The following TMCC3 variants were observed in gnomAD, a reference collection of about 807,000 sequenced individuals.
The protein encoded by TMCC3 is transmembrane and coiled-coil domain protein 3.
A neutral mutation model predicts 40.2 loss-of-function variants in TMCC3; 28 were observed. That is an observed-to-expected ratio of 0.70 (90% CI 0.52 to 0.95). TMCC3 has a LOEUF of 0.95. TMCC3 is among the 40% of genes least tolerant of loss of function. TMCC3 has a pLI of 0.00. For synonymous variants in TMCC3, 255 were observed against 248.5 expected, an observed-to-expected ratio of 1.03 and a Z score of -0.25; for missense variants, 554 against 615.2, an observed-to-expected ratio of 0.90 and a Z score of 1.05.
chr12:94,637,628 A>G (rs777447540), intron 1 of TMCC3, among the ~76,000 whole-genome samples: 1 of 152,256 alleles, frequency 6.6e-6, no homozygotes, highest in Non-Finnish European at 1.5e-5. Flanking sequence ...TGGCTGAGTA[A>G]TTAGATGCTT....
At chr12:94,644,403 A>G (rs2069007165) in intron 1 of TMCC3, 1 of 985,332 alleles carries the variant, frequency 1.0e-6, no homozygotes, top group South Asian at 4.7e-5. Context: ...CCTTAGCAGC[A>G]GTCCTGGAGA....
rs76264287 is a variant in TMCC3, at chr12:94,578,910, T to A, written c.996-381A>T. The stretch of plus-strand genomic sequence containing the variant: ...CAGGACCTCTGGTGTCTGTGGTGCC[T>A]TTTCCCTATTCTGCCCTGACACTGC... On this transcript the variant is annotated intron_variant, in intron 2 of 3. Transcript: ENST00000261226. 1.1e-3 allele frequency among the ~76,000 whole-genome samples: 166 copies of A among 152,200 alleles called. 1 individual carries two copies. The highest frequency in any genetic ancestry group is 3.8e-3 in the African/African-American group (157 of 41,506).
chr12:94,583,771 C>T (rs1175831419), intron 1 of TMCC3, among the ~76,000 whole-genome samples: 1 of 152,148 alleles, frequency 6.6e-6, no homozygotes, highest in Admixed American at 6.5e-5. Flanking sequence ...AGGGTTAAGG[C>T]CAGGATTTGA....
At chr12:94,627,093 C>G (rs1454299470) in intron 1 of TMCC3, among the ~76,000 whole-genome samples, 1 of 152,072 alleles carries the variant, frequency 6.6e-6, no homozygotes, top group East Asian at 1.9e-4. Context: ...AACTCCTGAC[C>G]TCAAGTGATC....
chr12:94,598,027 G>T (rs1388067708), intron 1 of TMCC3, among the ~76,000 whole-genome samples: 2 of 152,110 alleles, frequency 1.3e-5, no homozygotes, highest in Non-Finnish European at 2.9e-5. Context: ...ACAGAATCTT[G>T]CCAGGATCAT....
intron 1 of TMCC3, among the ~76,000 whole-genome samples, chr12:94,597,503 C>A (rs1469607552): frequency 6.6e-6 from 1 of 151,878 alleles, no homozygotes; most frequent in Non-Finnish European, 1.5e-5. Context: ...CTTAAGGAAG[C>A]AGTCTTAAAT....
At chr12:94,608,266 T>C (rs183419461) in intron 1 of TMCC3, among the ~76,000 whole-genome samples, 139 of 152,376 alleles carry the variant, frequency 9.1e-4, no homozygotes, top group Non-Finnish European at 1.6e-3. Context: ...TAACATCATT[T>C]ATTTTCCACT....
At chr12:94,593,461 A>AAGG (rs2068695847) in intron 1 of TMCC3, among the ~76,000 whole-genome samples, 1 of 31,918 alleles carries the variant, frequency 3.1e-5, no homozygotes, top group African/African-American at 1.1e-4. Context: ...GGAGAAGAAG[A>AAGG]AGAAGAAGAA....
chr12:94,641,348 A>G lies in TMCC3; in HGVS notation c.78+9005T>C, dbSNP rs552942775. On this transcript the variant is annotated intron_variant, in intron 1 of 3. Coordinates refer to ENST00000261226, the MANE Select transcript of TMCC3 (RefSeq NM_020698.4). ...GAATAGAAGGGCGGTTCAAAGAATG[A>G]ATCTGATATACAGACTTTGAGGTGC... Among the ~76,000 whole-genome samples, 5 of 152,320 alleles carry G rather than the reference A, an allele frequency of 3.3e-5. No homozygotes were observed. The South Asian group carries it at 1.0e-3, about 32-fold the overall frequency.
At chr12:94,592,077 G>A (rs17022801) in intron 1 of TMCC3, among the ~76,000 whole-genome samples, 96,359 of 152,016 alleles carry the variant, frequency 0.63, 30,604 homozygotes, top group Admixed American at 0.66. Flanking sequence ...TGTGCTGGAG[G>A]GGAAAAATCT....
chr12:94,631,429 A>G (rs1388010336), intron 1 of TMCC3, among the ~76,000 whole-genome samples: 1 of 152,196 alleles, frequency 6.6e-6, no homozygotes, highest in African/African-American at 2.4e-5. Flanking sequence ...TTGACTGATG[A>G]CCTTATAAGA....
At chr12:94,597,120 A>AAT (rs768080145) in intron 1 of TMCC3, among the ~76,000 whole-genome samples, 4 of 5,484 alleles carry the variant, frequency 7.3e-4, no homozygotes, top group African/African-American at 1.8e-3. Context: ...TCTCTATTAA[A>AAT]ATACATATAT....
Position 94,641,700 on chromosome 12 carries a change from C to T in TMCC3, c.78+8653G>A, listed in dbSNP as rs150183616. Among the ~76,000 whole-genome samples, 1,000 of 152,062 alleles carry T rather than the reference C, an allele frequency of 6.6e-3. 7 individuals carry two copies. The highest frequency in any genetic ancestry group is 0.022 in the African/African-American group (918 of 41,456). On this transcript the variant is annotated intron_variant, in intron 1 of 3. Coordinates refer to ENST00000261226, the MANE Select transcript of TMCC3 (RefSeq NM_020698.4). ...TCGGTGCTAGAAGAGACCCTTAAGG[C>T]GAGACTCACAGAACGGAGAGCTTTG...
intron 2 of TMCC3, 26 bp from the exon 3 acceptor site, chr12:94,578,555 AG>A: frequency 6.2e-7 from 1 of 1,604,744 alleles, no homozygotes; most frequent in Non-Finnish European, 8.5e-7. Context: ...GCCGATTCCC[AG>A]TGTGACCTTT....
At chr12:94,634,234 C>T (rs182135317) in intron 1 of TMCC3, among the ~76,000 whole-genome samples, 221 of 152,128 alleles carry the variant, frequency 1.5e-3, no homozygotes, top group Admixed American at 2.8e-3. Context: ...CATGAACCAC[C>T]GTGCCTGGCC....
At chr12:94,636,108 A>C (rs1311241340) in intron 1 of TMCC3, among the ~76,000 whole-genome samples, 4 of 152,234 alleles carry the variant, frequency 2.6e-5, no homozygotes, top group Non-Finnish European at 5.9e-5. Context: ...GTAGACATTT[A>C]TAAAAACAAA....
In TMCC3 at chr12:94,578,428, G is replaced by A. The variant is rs1226081828; in HGVS notation, c.1097C>T (p.Ala366Val). The A allele has an allele frequency of 1.9e-6, 3 of 1,613,942 alleles. No individual in the cohort carries two copies. Among genetic ancestry groups the A allele is most frequent in the African/African-American group, 1.3e-5 (1 of 74,890 alleles). ...QELASIEEKV[A>V]YQAYERSRDI... ...CCGCGAGCGCTCGTAGGCCTGGTAGGCCACCTTCTCCTCAATGCTGGCCAG... is the reference window on the plus strand; with the variant it reads ...CCGCGAGCGCTCGTAGGCCTGGTAGACCACCTTCTCCTCAATGCTGGCCAG... The change falls in exon 3 of 4, where the codon GCC (alanine) becomes GTC (valine). Residue 366 changes from alanine (A) to valine (V), a missense_variant. Ala to Val is a moderately conservative substitution (Grantham distance 64). Transcript: ENST00000261226.
At chr12:94,643,380 C>A (rs377228387) in intron 1 of TMCC3, among the ~76,000 whole-genome samples, 2 of 152,264 alleles carry the variant, frequency 1.3e-5, no homozygotes, top group South Asian at 4.1e-4. Context: ...TGTGAACCCA[C>A]AGGCCAGTCA....
intron 3 of TMCC3, among the ~76,000 whole-genome samples, chr12:94,578,013 G>A (rs990017332): frequency 2.0e-5 from 3 of 151,666 alleles, no homozygotes; most frequent in Non-Finnish European, 4.4e-5. Context: ...GCCAGGCATG[G>A]TGGCATGTGC....
Sources: gnomAD v4.1 joint callset for allele counts (sites outside exome capture counted in the v4.1 genomes callset) on GRCh38, gnomAD v4.1.1 for gene constraint, MANE v1.5 for transcripts, NCBI Gene and HGNC (gene_info 2026-07-23, HGNC 2026-07-21) for gene names.